The following UBE2D2 variants were observed in gnomAD, a reference collection of about 807,000 sequenced individuals.
The protein encoded by UBE2D2 is ubiquitin conjugating enzyme E2 D2.
A neutral mutation model predicts 24.2 loss-of-function variants in UBE2D2; 2 were observed. The observed-to-expected ratio is 0.08, with a 90% CI of 0.03 to 0.26. The LOEUF is 0.26. UBE2D2 is among the 10% of genes least tolerant of loss of function. The pLI is 1.00. For synonymous variants in UBE2D2, 58 were observed against 56.5 expected, an observed-to-expected ratio of 1.03 and a Z score of -0.12; for missense variants, 44 against 177.6, an observed-to-expected ratio of 0.25 and a Z score of 4.28.
chr5:139,592,655 T>A lies in UBE2D2; in HGVS notation c.25-7717T>A, dbSNP rs111871788. Among the ~76,000 whole-genome samples the A allele has an allele frequency of 1.2e-4, 17 of 147,120 alleles. 2 individuals carry two copies. Among genetic ancestry groups the A allele is most frequent in the African/African-American group, 4.0e-4 (16 of 39,764 alleles). On this transcript the variant is annotated intron_variant, in intron 1 of 6. Transcript: ENST00000398733. ...TCTTGCTCTGTTGCCCAGATTGGAG[T>A]GCAGTGGCACGACCTCGGCTCACTG...
At chr5:139,610,248 A>G (rs971707518) in intron 2 of UBE2D2, among the ~76,000 whole-genome samples, 1 of 152,182 alleles carries the variant, frequency 6.6e-6, no homozygotes, top group East Asian at 1.9e-4. Context: ...AGTTGCCATC[A>G]ATAAAAATTT....
intron 1 of UBE2D2, among the ~76,000 whole-genome samples, chr5:139,552,183 GACGGAGTCTCACT>G (rs1752928355): frequency 7.2e-6 from 1 of 139,234 alleles, no homozygotes; most frequent in Non-Finnish European, 1.5e-5. Flanking sequence ...TTTTTTTTGA[GACGGAGTCTCACT>G]CTGTTGCCCA....
intron 1 of UBE2D2, among the ~76,000 whole-genome samples, chr5:139,563,704 G>A (rs557543895): frequency 6.6e-6 from 1 of 152,256 alleles, no homozygotes; most frequent in South Asian, 2.1e-4. Context: ...AGGCTGAGGT[G>A]GGTGGATCAC....
In UBE2D2 at chr5:139,623,384, T is replaced by C; in HGVS notation, c.321T>C (p.Cys107=). 6.2e-7 allele frequency: 1 copy of C among 1,601,228 alleles called. No homozygotes were observed. The highest frequency in any genetic ancestry group is 8.5e-7 in the Non-Finnish European group (1 of 1,170,250). ...LTISKVLLSI[C]SLLCDPNPDD... ...TCATTCTAGTACTCTTGTCCATCTG[T>C]TCTCTGTTGTGTGATCCCAATCCAG... The change falls in exon 6 of 7, where the codon TGT becomes TGC. Residue 107 remains cysteine, a synonymous_variant. Transcript: ENST00000398733.
chr5:139,553,921 A>G (rs936559070), intron 1 of UBE2D2, among the ~76,000 whole-genome samples: 2 of 152,074 alleles, frequency 1.3e-5, no homozygotes, highest in African/African-American at 4.8e-5. Context: ...CTGGGACTAC[A>G]GGTGCCCGCC....
At chr5:139,563,670 C>T (rs542256818) in intron 1 of UBE2D2, among the ~76,000 whole-genome samples, 1 of 152,110 alleles carries the variant, frequency 6.6e-6, no homozygotes, top group Non-Finnish European at 1.5e-5. Flanking sequence ...CGGTGGCTCA[C>T]GCCTGTAATC....
intron 1 of UBE2D2, among the ~76,000 whole-genome samples, chr5:139,580,045 CAAA>C (rs199662706): frequency 2.6e-5 from 3 of 116,936 alleles, no homozygotes; most frequent in Non-Finnish European, 3.7e-5. Context: ...GACTCCCTCT[CAAA>C]AAAAAAAAAA....
intron 1 of UBE2D2, among the ~76,000 whole-genome samples, chr5:139,535,055 G>C (rs770582094): frequency 6.6e-6 from 1 of 151,866 alleles, no homozygotes; most frequent in Non-Finnish European, 1.5e-5. Flanking sequence ...GGGGAGAATC[G>C]CTTGAACCTG....
chr5:139,553,613 A>G (rs985529414), intron 1 of UBE2D2, among the ~76,000 whole-genome samples: 3 of 152,146 alleles, frequency 2.0e-5, no homozygotes, highest in Non-Finnish European at 2.9e-5. Flanking sequence ...CAGGGCCTGT[A>G]TGATCCACAT....
intron 1 of UBE2D2, among the ~76,000 whole-genome samples, chr5:139,554,441 C>T (rs1424595906): frequency 6.6e-6 from 1 of 152,134 alleles, no homozygotes; most frequent in African/African-American, 2.4e-5. Context: ...ATCATACAGC[C>T]CATATTCTGT....
intron 2 of UBE2D2, among the ~76,000 whole-genome samples, chr5:139,604,895 A>AT: frequency 6.6e-6 from 1 of 152,172 alleles, no homozygotes; most frequent in East Asian, 1.9e-4. Flanking sequence ...AAAAAAAAAA[A>AT]ACAAGTATTG....
chr5:139,534,681 A>G lies in UBE2D2; in HGVS notation c.-64+8069A>G, dbSNP rs551766336. Among the ~76,000 whole-genome samples, 3 of 151,964 alleles carry G rather than the reference A, an allele frequency of 2.0e-5. No homozygotes were observed. In the South Asian group the frequency reaches 6.3e-4, roughly 32 times the overall value. ...AACCTGTGAGGCTGAGGTTGTGGTG[A>G]GCAGAGATCATGCCATTGCACTCCA... On this transcript the variant is annotated intron_variant, in intron 1 of 6. Coordinates refer to the UBE2D2 transcript ENST00000511725.
At chr5:139,541,278 A>G (rs2126632412) in intron 1 of UBE2D2, among the ~76,000 whole-genome samples, 1 of 151,686 alleles carries the variant, frequency 6.6e-6, no homozygotes, top group East Asian at 1.9e-4. Context: ...AGCCTGGGCC[A>G]CAAAGTGAGA....
chr5:139,561,656 G>T lies in UBE2D2; in HGVS notation c.-136G>T. The stretch of plus-strand genomic sequence containing the variant: ...GCCCCGGCCCTCAGCCCGTCCCGCC[G>T]GACCCGCTTTCCTCAACTCTCCATC... On this transcript the variant is annotated 5_prime_UTR_variant, in exon 1 of 7. Coordinates refer to ENST00000398733, the MANE Select transcript of UBE2D2 (RefSeq NM_003339.3). 1 of 618,350 alleles carries T rather than the reference G, an allele frequency of 1.6e-6. No homozygotes were observed. Among genetic ancestry groups the T allele is most frequent in the Non-Finnish European group, 2.6e-6 (1 of 389,570 alleles). 38.3% of individuals were successfully genotyped at this position (618,350 alleles called of 1,614,324 possible).
chr5:139,624,097 G>A (rs1754569097), intron 6 of UBE2D2, among the ~76,000 whole-genome samples: 1 of 152,094 alleles, frequency 6.6e-6, no homozygotes, highest in African/African-American at 2.4e-5. Context: ...ATAGGTATTT[G>A]TCAATTAATG....
intron 5 of UBE2D2, among the ~76,000 whole-genome samples, chr5:139,616,095 A>G (rs544398370): frequency 6.7e-6 from 1 of 149,978 alleles, no homozygotes; most frequent in African/African-American, 2.4e-5. Flanking sequence ...CGGCCTCCCA[A>G]AGCGCTGGGA....
intron 1 of UBE2D2, among the ~76,000 whole-genome samples, chr5:139,539,376 T>A (rs1752727460): frequency 6.6e-6 from 1 of 152,034 alleles, no homozygotes; most frequent in Non-Finnish European, 1.5e-5. Context: ...TATATAACAT[T>A]CTCAAAATGA....
chr5:139,537,595 C>G (rs1349690553), intron 1 of UBE2D2, among the ~76,000 whole-genome samples: 3 of 151,894 alleles, frequency 2.0e-5, no homozygotes. Context: ...CTCAGGTGAT[C>G]CACCCACCTT....
At chr5:139,543,022 G>A (rs1752779110) in intron 1 of UBE2D2, among the ~76,000 whole-genome samples, 1 of 152,076 alleles carries the variant, frequency 6.6e-6, no homozygotes, top group South Asian at 2.1e-4. Flanking sequence ...TCAGCCTCCT[G>A]AGAAGCTGGG....
Sources: gnomAD v4.1 joint callset for allele counts (sites outside exome capture counted in the v4.1 genomes callset) on GRCh38, gnomAD v4.1.1 for gene constraint, MANE v1.5 for transcripts, NCBI Gene and HGNC (gene_info 2026-07-23, HGNC 2026-07-21) for gene names.